The following RAPGEF6 variants were observed in gnomAD, a reference collection of about 807,000 sequenced individuals.
RAPGEF6 encodes the protein PDZ domain containing guanine nucleotide exchange factor (GEF) 2.
Under a neutral mutation model 171.4 loss-of-function variants are expected in RAPGEF6, and 56 were observed. The ratio of observed to expected loss-of-function variants is 0.33; its 90% CI spans 0.26 to 0.41. The LOEUF is 0.41. Among genes scored for constraint, RAPGEF6 ranks in the 10% least tolerant of loss-of-function variants. The pLI is 1.00. For missense variants in RAPGEF6, 1,674 were observed against 1,921.4 expected, an observed-to-expected ratio of 0.87 and a Z score of 2.41; for synonymous variants, 692 against 650.1, an observed-to-expected ratio of 1.06 and a Z score of -0.98.
At chr5:131,523,970 T>TAG (rs778890760) in intron 6 of RAPGEF6, among the ~76,000 whole-genome samples, 2 of 152,194 alleles carry the variant, frequency 1.3e-5, no homozygotes, top group Non-Finnish European at 2.9e-5. Flanking sequence ...AACTGACAGC[T>TAG]GGCTTCTCAA....
Position 131,433,419 on chromosome 5 carries a change from A to G in RAPGEF6, c.3974+11T>C. 6.2e-7 allele frequency: 1 copy of G among 1,600,626 alleles called. No homozygotes were observed. On this transcript the variant is annotated intron_variant, in intron 25 of 27. Coordinates refer to ENST00000509018, the MANE Select transcript of RAPGEF6 (RefSeq NM_016340.6). ...GGGTTTTGTGTTATGAACACAGACAATGATGCTTACCCAGGGCCATGTTGA... is the reference window on the plus strand; with the variant it reads ...GGGTTTTGTGTTATGAACACAGACAGTGATGCTTACCCAGGGCCATGTTGA...
chr5:131,505,398 T>C lies in RAPGEF6; in HGVS notation c.1067A>G (p.His356Arg). ...ITPTLDKQYM[H>R]GIVRTKVDDC... ...ATCTACTTTAGTCCTGACAATTCCA[T>C]GCATGTACTGCTTATCCAGAGTGGG... is the stretch of plus-strand genomic sequence containing the variant. The change falls in exon 10 of 28, where the codon CAT (histidine) becomes CGT (arginine). Residue 356 changes from histidine to arginine, a missense_variant. Transcript: ENST00000509018. The C allele has an allele frequency of 6.2e-7, 1 of 1,613,702 alleles. No homozygotes were observed. The highest frequency in any genetic ancestry group is 8.5e-7 in the Non-Finnish European group (1 of 1,179,772).
In RAPGEF6 at chr5:131,429,167, A is replaced by C. The variant is rs756531113; in HGVS notation, c.4515T>G (p.Pro1505=). The C allele has an allele frequency of 2.5e-6, 4 of 1,613,248 alleles. No individual in the cohort carries two copies. The highest frequency in any genetic ancestry group is 3.4e-6 in the Non-Finnish European group (4 of 1,179,518). Residue 1505 remains proline (P), a synonymous_variant, in exon 27 of 28, where the codon CCT becomes CCG. Coordinates refer to ENST00000509018, the MANE Select transcript of RAPGEF6 (RefSeq NM_016340.6). ...TCCCCAAATATCCTGGAGGAGTGGG[A>C]GGTGGCTCCCTATACCTATCGTCCT... ...PKKDDRYREP[P]PTPPGYLGIS...
At chr5:131,435,344 G>A (rs11242077) in intron 24 of RAPGEF6, among the ~76,000 whole-genome samples, 33,313 of 151,838 alleles carry the variant, frequency 0.22, 3,989 homozygotes, top group East Asian at 0.49. Flanking sequence ...ATTTTTAAGA[G>A]GACCAAGAAA....
At chr5:131,561,421 G>A (rs1320393801) in intron 5 of RAPGEF6, among the ~76,000 whole-genome samples, 1 of 152,086 alleles carries the variant, frequency 6.6e-6, no homozygotes, top group Admixed American at 6.6e-5. Flanking sequence ...ACTTTGGGAG[G>A]CCAAGGCAGA....
intron 19 of RAPGEF6, among the ~76,000 whole-genome samples, chr5:131,458,958 C>T (rs1483826608): frequency 6.6e-6 from 1 of 152,056 alleles, no homozygotes; most frequent in South Asian, 2.1e-4. Flanking sequence ...CAGACATCAA[C>T]AAAACTTTTT....
At position 131,510,297 on chromosome 5, in the gene RAPGEF6, A is replaced by G. The variant is rs1376051583; in HGVS notation, c.805+17T>C. The G allele has an allele frequency of 1.3e-6, 2 of 1,595,208 alleles. No individual in the cohort carries two copies. Among genetic ancestry groups the G allele is most frequent in the Admixed American group, 1.8e-5 (1 of 56,674 alleles). On this transcript the variant is annotated intron_variant, in intron 8 of 27. Coordinates refer to ENST00000509018, the MANE Select transcript of RAPGEF6 (RefSeq NM_016340.6). ...ATTAAGTTACAAATTCTTATTGTGA[A>G]CACATATATTTCTTACCAATGTCAT...
chr5:131,521,555 G>C lies in RAPGEF6; in HGVS notation c.496-34C>G, dbSNP rs752932561. 21 of 1,577,218 alleles carry C rather than the reference G, an allele frequency of 1.3e-5. No individual in the cohort carries two copies. The Middle Eastern group carries it at 5.1e-4, about 39-fold the overall frequency. On this transcript the variant is annotated intron_variant, in intron 6 of 27. Coordinates refer to ENST00000509018, the MANE Select transcript of RAPGEF6 (RefSeq NM_016340.6). ...AAAAATAATTTAAGTTATTCTAAAT[G>C]TCAAGCTTTACCTTTTTAAGCGGTT...
At chr5:131,451,608 A>G (rs1011505952) in intron 21 of RAPGEF6, among the ~76,000 whole-genome samples, 2 of 152,094 alleles carry the variant, frequency 1.3e-5, no homozygotes, top group Admixed American at 1.3e-4. Context: ...AAAGATCCCT[A>G]AACAACAATT....
intron 5 of RAPGEF6, among the ~76,000 whole-genome samples, chr5:131,560,302 A>G (rs1761518331): frequency 6.6e-6 from 1 of 152,206 alleles, no homozygotes; most frequent in Admixed American, 6.5e-5. Context: ...TATCAAACTC[A>G]GGGAATTTGA....
chr5:131,600,507 G>A (rs190052223), intron 3 of RAPGEF6, among the ~76,000 whole-genome samples: 177 of 141,474 alleles, frequency 1.3e-3, no homozygotes, highest in African/African-American at 4.5e-3. Context: ...GGGTGACATG[G>A]TGAGACGAAA....
intron 4 of RAPGEF6, among the ~76,000 whole-genome samples, chr5:131,587,764 C>T (rs1179051900): frequency 1.3e-5 from 2 of 152,158 alleles, no homozygotes; most frequent in Non-Finnish European, 2.9e-5. Context: ...AAGTAGAACT[C>T]CTCTTCCCCA....
chr5:131,489,524 C>T (rs374452452), intron 15 of RAPGEF6, 22 bp downstream of exon 15: 27 of 1,392,482 alleles, frequency 1.9e-5, no homozygotes, highest in Non-Finnish European at 2.7e-5. Flanking sequence ...AGAGTTCAGG[C>T]AATTTTTACA....
chr5:131,483,016 T>C lies in RAPGEF6; in HGVS notation c.1841-3263A>G, dbSNP rs548559045. ...GAAAACTTTGAAGGGGCGATTTCCTTAGTAGTGTGTATATAAGGTAACTGA... is the reference window on the plus strand; with the variant it reads ...GAAAACTTTGAAGGGGCGATTTCCTCAGTAGTGTGTATATAAGGTAACTGA... On this transcript the variant is annotated intron_variant, in intron 15 of 27. Coordinates refer to ENST00000509018, the MANE Select transcript of RAPGEF6 (RefSeq NM_016340.6). Among the ~76,000 whole-genome samples, 21 of 152,312 alleles carry C rather than the reference T, an allele frequency of 1.4e-4. No individual in the cohort carries two copies. In the South Asian group the frequency reaches 4.4e-3, roughly 32 times the overall value.
chr5:131,435,545 T>G (rs1286564244), intron 24 of RAPGEF6, among the ~76,000 whole-genome samples: 1 of 152,204 alleles, frequency 6.6e-6, no homozygotes, highest in Non-Finnish European at 1.5e-5. Flanking sequence ...ACATTCCAGA[T>G]CCCATTTCTG....
At chr5:131,521,183 T>C (rs1370120044) in intron 7 of RAPGEF6, among the ~76,000 whole-genome samples, 1 of 152,226 alleles carries the variant, frequency 6.6e-6, no homozygotes, top group African/African-American at 2.4e-5. Context: ...CATACTCTGC[T>C]GAACCATACT....
At chr5:131,560,234 T>C (rs924467070) in intron 5 of RAPGEF6, among the ~76,000 whole-genome samples, 1 of 152,196 alleles carries the variant, frequency 6.6e-6, no homozygotes, top group African/African-American at 2.4e-5. Flanking sequence ...GACCCCAAAA[T>C]ATGTCAACAT....
At chr5:131,520,569 T>C (rs1373422160) in intron 7 of RAPGEF6, among the ~76,000 whole-genome samples, 2 of 152,182 alleles carry the variant, frequency 1.3e-5, no homozygotes, top group African/African-American at 2.4e-5. Flanking sequence ...ATAGGTAATA[T>C]ATTTGAATTC....
At chr5:131,444,318 T>C (rs971015393) in intron 22 of RAPGEF6, among the ~76,000 whole-genome samples, 1 of 152,198 alleles carries the variant, frequency 6.6e-6, no homozygotes, top group African/African-American at 2.4e-5. Flanking sequence ...CATCTTTGGT[T>C]AGAGCCATGA....
Sources: allele counts gnomAD v4.1 joint callset (sites outside exome capture counted in the v4.1 genomes callset), GRCh38; gene constraint gnomAD v4.1.1; transcripts MANE v1.5; gene names NCBI Gene and HGNC (gene_info 2026-07-23, HGNC 2026-07-21).